The following KLF12 variants were observed in gnomAD, a reference collection of about 807,000 sequenced individuals.
The protein encoded by KLF12 is KLF transcription factor 12, also known as Krueppel-like factor 12.
A neutral mutation model predicts 37.8 loss-of-function variants in KLF12; 9 were observed. The ratio of observed to expected loss-of-function variants is 0.24; its 90% confidence interval spans 0.14 to 0.42. KLF12 has a LOEUF of 0.42. Among genes scored for constraint, KLF12 ranks in the 10% least tolerant of loss-of-function variants. The pLI is 1.00. For missense variants in KLF12, 411 were observed against 516.0 expected (o/e 0.80, Z 1.97); for synonymous variants, 208 against 202.1 (o/e 1.03, Z -0.25).
chr13:73,844,671 T>C (rs913409541), intron 4 of KLF12: 3 of 152,164 alleles, frequency 2.0e-5, no homozygotes, highest in African/African-American at 7.2e-5. Flanking sequence ...CAAAAATTTC[T>C]GTAAGTTCAC....
At chr13:73,859,559 T>C (rs1292269522) in intron 3 of KLF12, among the ~76,000 whole-genome samples, 1 of 152,182 alleles carries the variant, frequency 6.6e-6, no homozygotes, top group African/African-American at 2.4e-5. Context: ...GCTAGGATAG[T>C]TGTAAGCTAC....
chr13:73,860,758 C>T (rs185052751), intron 3 of KLF12, among the ~76,000 whole-genome samples: 4 of 151,900 alleles, frequency 2.6e-5, no homozygotes, highest in Non-Finnish European at 4.4e-5. Context: ...TTAATTACCC[C>T]GTGACTAAAA....
chr13:73,905,316 C>T (rs1394628968), intron 3 of KLF12, among the ~76,000 whole-genome samples: 1 of 149,800 alleles, frequency 6.7e-6, no homozygotes, highest in African/African-American at 2.5e-5. Flanking sequence ...TCCTGCCAAG[C>T]TAAAATCTGA....
At chr13:74,279,374 G>A in the KLF12 span, among the ~76,000 whole-genome samples, 1 of 152,072 alleles carries the variant, frequency 6.6e-6, no homozygotes, top group African/African-American at 2.4e-5. Flanking sequence ...ACCCTAAATG[G>A]AAGAAATGTT....
At chr13:73,929,795 G>A (rs950492258) in intron 3 of KLF12, among the ~76,000 whole-genome samples, 1 of 152,212 alleles carries the variant, frequency 6.6e-6, no homozygotes, top group Non-Finnish European at 1.5e-5. Flanking sequence ...TCTGTGTGCA[G>A]GCAGCCTTAC....
intron 5 of KLF12, among the ~76,000 whole-genome samples, chr13:73,780,501 C>T (rs1245301848): frequency 2.0e-5 from 3 of 150,084 alleles, no homozygotes; most frequent in Non-Finnish European, 4.4e-5. Flanking sequence ...TTCTTTGAGA[C>T]GGAGTTTCGC....
At chr13:74,053,881 G>C (rs1173300335) in intron 1 of KLF12, among the ~76,000 whole-genome samples, 1 of 152,028 alleles carries the variant, frequency 6.6e-6, no homozygotes, top group Non-Finnish European at 1.5e-5. Context: ...TGGTAAAATG[G>C]GACCTAGAGA....
intron 3 of KLF12, among the ~76,000 whole-genome samples, chr13:73,932,932 A>G (rs547937193): frequency 6.6e-6 from 1 of 152,304 alleles, no homozygotes; most frequent in Admixed American, 6.5e-5. Flanking sequence ...ATCATGTCCA[A>G]TGTGATAACT....
Position 73,715,567 on chromosome 13 carries a change from C to A in KLF12, c.870-42G>T, listed in dbSNP as rs377319503. ...TGGAGTTACACGGTGAGATGCACAC[C>A]GCCCCATTTTGGTTCTGGTGGCATG... On this transcript the variant is annotated intron_variant, in intron 6 of 7. Transcript: ENST00000377669. The A allele has an allele frequency of 1.8e-5, 29 of 1,596,116 alleles. No homozygotes were observed. In the Admixed American group the frequency reaches 4.8e-4, roughly 26 times the overall value.
At chr13:74,076,431 G>A (rs556530793) in intron 1 of KLF12, among the ~76,000 whole-genome samples, 7 of 152,182 alleles carry the variant, frequency 4.6e-5, no homozygotes, top group East Asian at 1.9e-4. Context: ...CTTCCAAGAC[G>A]GTGCCTTGAC....
At chr13:73,738,515 T>C (rs1877700591) in intron 6 of KLF12, among the ~76,000 whole-genome samples, 1 of 151,970 alleles carries the variant, frequency 6.6e-6, no homozygotes, top group Non-Finnish European at 1.5e-5. Context: ...AATCGACAAG[T>C]AGTAAAAGAC....
At chr13:74,215,563 G>C in the KLF12 span, among the ~76,000 whole-genome samples, 2 of 151,310 alleles carry the variant, frequency 1.3e-5, no homozygotes, top group African/African-American at 4.9e-5. Flanking sequence ...ATGCTTAAGA[G>C]AAAGGTCCTG....
At chr13:74,060,500 G>GTGTGTT (rs1873527453) in intron 1 of KLF12, among the ~76,000 whole-genome samples, 1 of 149,112 alleles carries the variant, frequency 6.7e-6, no homozygotes, top group African/African-American at 2.5e-5. Flanking sequence ...GTGTGTGTGT[G>GTGTGTT]TGTGTGTGTG....
intron 6 of KLF12, among the ~76,000 whole-genome samples, chr13:73,761,949 T>C (rs1879587834): frequency 6.6e-6 from 1 of 152,176 alleles, no homozygotes; most frequent in African/African-American, 2.4e-5. Flanking sequence ...AATCAGTAAA[T>C]GTTCCTAGTG....
chr13:74,141,461 CT>C, the KLF12 span, among the ~76,000 whole-genome samples: 1 of 152,122 alleles, frequency 6.6e-6, no homozygotes, highest in Non-Finnish European at 1.5e-5. Context: ...GATTATGATA[CT>C]GATTTCCATA....
chr13:74,270,711 C>T, the KLF12 span, among the ~76,000 whole-genome samples: 1 of 152,184 alleles, frequency 6.6e-6, no homozygotes, highest in East Asian at 1.9e-4. Context: ...TTGGAATCTC[C>T]AAAATTGTAG....
the KLF12 span, among the ~76,000 whole-genome samples, chr13:74,179,435 G>A: frequency 6.6e-6 from 1 of 152,174 alleles, no homozygotes; most frequent in Admixed American, 6.5e-5. Flanking sequence ...CTTTTTGAAT[G>A]TCAGTGTTAC....
chr13:74,021,970 C>T (rs1892851899), intron 1 of KLF12, among the ~76,000 whole-genome samples: 1 of 152,108 alleles, frequency 6.6e-6, no homozygotes, highest in African/African-American at 2.4e-5. Flanking sequence ...TGATGGTCAT[C>T]AGGAGGGTAG....
At chr13:74,036,998 G>A (rs928036327) in intron 1 of KLF12, among the ~76,000 whole-genome samples, 8 of 152,054 alleles carry the variant, frequency 5.3e-5, no homozygotes. Flanking sequence ...GAGGTCAGGA[G>A]TTCAAGACCA....
Sources: gnomAD v4.1 joint callset for allele counts (sites outside exome capture counted in the v4.1 genomes callset) on GRCh38, gnomAD v4.1.1 for gene constraint, MANE v1.5 for transcripts, NCBI Gene and HGNC (gene_info 2026-07-23, HGNC 2026-07-21) for gene names.